SVEP1: variants seen among roughly 807,000 people sequenced by gnomAD.
SVEP1 encodes sushi, von Willebrand factor type A, EGF and pentraxin domain containing 1.
A neutral mutation model predicts 367.3 loss-of-function variants in SVEP1; 164 were observed. The ratio of observed to expected loss-of-function variants is 0.45; its 90% CI spans 0.39 to 0.51. The LOEUF is 0.51. Ranked by LOEUF, SVEP1 falls within the 20% of genes least tolerant of loss-of-function variation. The pLI, the probability that SVEP1 is intolerant of heterozygous loss-of-function variation, is 0.00. For synonymous variants in SVEP1, 1,666 were observed against 1,611.6 expected (o/e 1.03, Z -0.81); for missense variants, 4,117 against 4,425.3 (o/e 0.93, Z 1.98).
chr9:110,493,662 G>A (rs1047991163), intron 8 of SVEP1, among the ~76,000 whole-genome samples: 2 of 152,160 alleles, frequency 1.3e-5, no homozygotes, highest in African/African-American at 4.8e-5. Context: ...AACCTGGGAG[G>A]TGGAGGCTGC....
chr9:110,381,162 A>C (rs1357552877), intron 43 of SVEP1, among the ~76,000 whole-genome samples: 1 of 151,746 alleles, frequency 6.6e-6, no homozygotes, highest in African/African-American at 2.4e-5. Context: ...CAGCTCCTTG[A>C]TTAATTGATT....
chr9:110,460,959 T>C (rs543047679), intron 18 of SVEP1, among the ~76,000 whole-genome samples: 11 of 152,320 alleles, frequency 7.2e-5, no homozygotes, highest in African/African-American at 1.2e-4. Context: ...CTACTGGGCT[T>C]TGAATTGAAC....
chr9:110,408,774 T>C lies in SVEP1; in HGVS notation c.6826A>G (p.Lys2276Glu). 1 of 1,613,550 alleles carries C rather than the reference T, an allele frequency of 6.2e-7. No homozygotes were observed. The highest frequency in any genetic ancestry group is 8.5e-7 in the Non-Finnish European group (1 of 1,179,882). Residue 2276 changes from lysine to glutamate, a missense_variant, in exon 38 of 48, where the codon AAA becomes GAA. Lys to Glu is a moderately conservative substitution (Grantham distance 56). Around this residue, in one of 4 missense-constraint regions of SVEP1, gnomAD observed 1,765 missense variants for 1,781.1 expected, o/e 0.99. Coordinates refer to ENST00000374469, the MANE Select transcript of SVEP1 (RefSeq NM_153366.4). ...KPPPIQNGFM[K>E]GENFEVGSKV... Reference sequence around the variant, plus strand: ...GACCCTACTTCAAAGTTTTCTCCTTTCATGAAGCCATTCTGGATCGGGGGA... The same window carrying C: ...GACCCTACTTCAAAGTTTTCTCCTTCCATGAAGCCATTCTGGATCGGGGGA...
At chr9:110,578,570 G>C (rs796950916) in intron 1 of SVEP1, among the ~76,000 whole-genome samples, 1 of 152,102 alleles carries the variant, frequency 6.6e-6, no homozygotes, top group East Asian at 1.9e-4. Flanking sequence ...TAAAGGATTG[G>C]AGCAAAAATA....
chr9:110,512,724 G>T, intron 5 of SVEP1: 1 of 648,080 alleles, frequency 1.5e-6, no homozygotes, highest in South Asian at 1.9e-5. Flanking sequence ...TCATAAAAGG[G>T]CTATAAAAGG....
intron 40 of SVEP1, among the ~76,000 whole-genome samples, chr9:110,390,085 A>ATATATATACGTG (rs1196514086): frequency 2.2e-5 from 2 of 89,104 alleles, no homozygotes; most frequent in African/African-American, 7.1e-5. Context: ...ATACGTGTAT[A>ATATATATACGTG]TATACACATA....
intron 5 of SVEP1, chr9:110,512,680 A>C (rs1829738214): frequency 1.9e-6 from 1 of 524,752 alleles, no homozygotes; most frequent in East Asian, 3.6e-5. Context: ...TAACCTGTCC[A>C]TTTACTTCCC....
intron 7 of SVEP1, among the ~76,000 whole-genome samples, 163 bp downstream of exon 7, chr9:110,498,878 T>C (rs890886910): frequency 6.6e-6 from 1 of 152,200 alleles, no homozygotes; most frequent in African/African-American, 2.4e-5. Context: ...TTTTGTAAAT[T>C]CACCACTTTC....
rs1318656976 is a variant in SVEP1, at chr9:110,479,751, G to A, written c.2371C>T (p.Arg791Cys). The change falls in exon 13 of 48, where the codon CGT becomes TGT. Residue 791 changes from arginine to cysteine, a missense_variant. By Grantham distance (180) the Arg-to-Cys change is radical. This residue lies in a region of SVEP1 where 2,174 missense variants were observed against 2,494.3 expected (regional missense o/e 0.87). Coordinates refer to ENST00000374469, the MANE Select transcript of SVEP1 (RefSeq NM_153366.4). Reference protein sequence around the residue: ...TTEWPDCAKKRFANHGFKSFE... With the variant: ...TTEWPDCAKKCFANHGFKSFE... ...GACTTGAACCCGTGGTTTGCAAAAC[G>A]TTTTTCTAGAAAATGTTGGACAAAA... The A allele has an allele frequency of 2.5e-6, 4 of 1,600,378 alleles. No individual in the cohort carries two copies. The highest frequency in any genetic ancestry group is 8.5e-7 in the Non-Finnish European group (1 of 1,175,990).
intron 39 of SVEP1, 22 bp from the exon 40 acceptor site, chr9:110,401,031 G>T (rs1038748838): frequency 1.2e-6 from 2 of 1,611,730 alleles, no homozygotes; most frequent in Non-Finnish European, 1.7e-6. Flanking sequence ...ATAACAAAAT[G>T]TAAGTTATGT....
intron 46 of SVEP1, among the ~76,000 whole-genome samples, chr9:110,374,404 C>T (rs923016185): frequency 3.3e-5 from 5 of 152,114 alleles, no homozygotes; most frequent in African/African-American, 1.2e-4. Context: ...AATCTCAAAA[C>T]TTTGGGAGGC....
chr9:110,528,167 T>TATAC (rs1829969812), intron 3 of SVEP1, among the ~76,000 whole-genome samples: 1 of 130,424 alleles, frequency 7.7e-6, no homozygotes, highest in South Asian at 2.3e-4. Context: ...TATATATATA[T>TATAC]ATATATATAT....
At chr9:110,479,424 G>T (rs1829150883) in intron 13 of SVEP1, among the ~76,000 whole-genome samples, 1 of 152,048 alleles carries the variant, frequency 6.6e-6, no homozygotes, top group Non-Finnish European at 1.5e-5. Context: ...ACTTCCTAAG[G>T]ATGTTTTTAA....
intron 1 of SVEP1, among the ~76,000 whole-genome samples, chr9:110,560,415 C>G (rs936650886): frequency 1.3e-5 from 2 of 152,264 alleles, no homozygotes; most frequent in East Asian, 3.9e-4. Context: ...CTAGTAGTGT[C>G]TTTAGGGTTT....
At chr9:110,534,846 T>C (rs1830060559) in intron 3 of SVEP1, among the ~76,000 whole-genome samples, 1 of 152,170 alleles carries the variant, frequency 6.6e-6, no homozygotes, top group African/African-American at 2.4e-5. Flanking sequence ...TTCATGTCCT[T>C]TGCCCATGTT....
chr9:110,451,425 G>C (rs747758455), intron 22 of SVEP1, 23 bp from the exon 23 acceptor site: 1 of 1,595,592 alleles, frequency 6.3e-7, no homozygotes, highest in South Asian at 1.1e-5. Context: ...ATTCATCTTT[G>C]AGCTGGAGAA....
At chr9:110,427,085 G>A (rs1217480565) in intron 36 of SVEP1, among the ~76,000 whole-genome samples, 3 of 152,004 alleles carry the variant, frequency 2.0e-5, no homozygotes, top group African/African-American at 7.3e-5. Flanking sequence ...ATCACCTGAG[G>A]TCAGGAGTTC....
chr9:110,499,442 C>T (rs1829498817), intron 6 of SVEP1, among the ~76,000 whole-genome samples: 1 of 152,046 alleles, frequency 6.6e-6, no homozygotes, highest in South Asian at 2.1e-4. Flanking sequence ...GCTATTTTTG[C>T]CAGTGCATCA....
At chr9:110,577,664 T>A (rs898801960) in intron 1 of SVEP1, among the ~76,000 whole-genome samples, 2 of 151,810 alleles carry the variant, frequency 1.3e-5, no homozygotes, top group Non-Finnish European at 2.9e-5. Flanking sequence ...TAAAAGGCAG[T>A]GAACTGGAAA....
Sources: allele counts gnomAD v4.1 joint callset (sites outside exome capture counted in the v4.1 genomes callset), GRCh38; gene constraint gnomAD v4.1.1; regional missense constraint gnomAD v4.1.1; transcripts MANE v1.5; gene names NCBI Gene and HGNC (gene_info 2026-07-23, HGNC 2026-07-21).